PROKR1: variants seen among roughly 807,000 people sequenced by gnomAD.
PROKR1 encodes the protein prokineticin receptor 1.
Under a neutral mutation model 22.8 loss-of-function variants are expected in PROKR1, and 21 were observed. The observed-to-expected ratio is 0.92, with a 90% CI of 0.65 to 1.32. The LOEUF (loss-of-function observed/expected upper bound fraction) is 1.32, where lower values mean the gene tolerates loss of function less well. Ranked by LOEUF, PROKR1 falls within the 40% of genes most tolerant of loss-of-function variation. The pLI, the probability that PROKR1 is intolerant of heterozygous loss-of-function variation, is 0.00. For missense variants in PROKR1, 548 were observed against 514.2 expected (o/e 1.07, Z -0.64); for synonymous variants, 193 against 207.5 (o/e 0.93, Z 0.60).
At chr2:68,652,744 G>C (rs1673358896) in intron 2 of PROKR1, among the ~76,000 whole-genome samples, 1 of 152,188 alleles carries the variant, frequency 6.6e-6, no homozygotes, top group South Asian at 2.1e-4. Flanking sequence ...GCGCCTCATA[G>C]CATCTAGGTG....
intron 2 of PROKR1, among the ~76,000 whole-genome samples, chr2:68,650,923 T>TG (rs1281057614): frequency 6.6e-6 from 1 of 151,726 alleles, no homozygotes; most frequent in Non-Finnish European, 1.5e-5. Flanking sequence ...AGCCTAGAGG[T>TG]GGGATTGCCT....
rs147000951 is a variant in PROKR1 at position 68,653,601 on chromosome 2, C to T, written c.486-1279C>T. Among the ~76,000 whole-genome samples the T allele has an allele frequency of 5.1e-4, 78 of 152,234 alleles. No individual in the cohort carries two copies. In the East Asian group the frequency reaches 9.6e-3, roughly 19 times the overall value. Reference sequence around the variant, plus strand: ...TGGACACGTGAGACTGTGTTTGTTTCCACTGTTGACCAGTCAATCCCCTCC... The same window carrying T: ...TGGACACGTGAGACTGTGTTTGTTTTCACTGTTGACCAGTCAATCCCCTCC... On this transcript the variant is annotated intron_variant, in intron 2 of 2. Coordinates refer to ENST00000303786, the MANE Select transcript of PROKR1 (RefSeq NM_138964.4).
At position 68,658,107 on chromosome 2, in the gene PROKR1, C is replaced by T. The variant is rs1453753818; in HGVS notation, c.*2531C>T. 1 of 152,216 alleles carries T rather than the reference C, an allele frequency of 6.6e-6. No individual in the cohort carries two copies. The highest frequency in any genetic ancestry group is 2.4e-5 in the African/African-American group (1 of 41,456). 9.4% of individuals were successfully genotyped at this position (152,216 alleles called of 1,614,324 possible). A position where few individuals can be genotyped will look rare whatever the true frequency, so the allele number is the denominator to read the frequency against. On this transcript the variant is annotated 3_prime_UTR_variant, in exon 3 of 3. Transcript: ENST00000303786. ...TTTTATATGCGGCAACCAAAGCCCA[C>T]TCTGCTTTTCAGCCTAAAATGTATC...
chr2:68,655,060 T>C lies in PROKR1; in HGVS notation c.666T>C (p.Pro222=). 6.2e-7 allele frequency: 1 copy of C among 1,613,984 alleles called. No individual in the cohort carries two copies. ...AGATCTTCTGCGGCCAGATCTGGCCTGTGGACCAGCAGCTCTACTACAAGT... is the reference window on the plus strand; with the variant it reads ...AGATCTTCTGCGGCCAGATCTGGCCCGTGGACCAGCAGCTCTACTACAAGT... ...QEKIFCGQIW[P]VDQQLYYKSY... is the part of the protein sequence containing the mutation. The change falls in exon 3 of 3, where the codon CCT becomes CCC. Residue 222 remains proline, a synonymous_variant. Transcript: ENST00000303786.
At chr2:68,646,523 A>C (rs532940952) in intron 2 of PROKR1, among the ~76,000 whole-genome samples, 1 of 152,302 alleles carries the variant, frequency 6.6e-6, no homozygotes, top group East Asian at 1.9e-4. Context: ...AGCCCTCTAG[A>C]GTTGGGTGAT....
At chr2:68,648,905 G>A (rs752160846) in intron 2 of PROKR1, among the ~76,000 whole-genome samples, 2 of 152,104 alleles carry the variant, frequency 1.3e-5, no homozygotes, top group Non-Finnish European at 2.9e-5. Context: ...TACAAAATGA[G>A]GATAAAAAGA....
chr2:68,652,240 G>A (rs1431778007), intron 2 of PROKR1, among the ~76,000 whole-genome samples: 13 of 152,164 alleles, frequency 8.5e-5, no homozygotes, highest in Admixed American at 8.5e-4. Flanking sequence ...TACCTATTTA[G>A]TAGGGTTGGA....
rs1673411227 is a variant in PROKR1, at chr2:68,654,964, C to G, written c.570C>G (p.Ser190=). 3 of 1,613,684 alleles carry G rather than the reference C, an allele frequency of 1.9e-6. No homozygotes were observed. The East Asian group carries it at 6.7e-5, about 36-fold the overall frequency. ...TGLIALVWTV[S]ILIAIPSAYF... ...TGATTGCCTTGGTGTGGACGGTGTC[C>G]ATCCTGATCGCCATCCCTTCCGCCT... The change falls in exon 3 of 3, where the codon TCC becomes TCG. Residue 190 remains serine (S), a synonymous_variant. Coordinates refer to ENST00000303786, the MANE Select transcript of PROKR1 (RefSeq NM_138964.4).
rs1165232573 is a variant in PROKR1 at position 68,645,936 on chromosome 2, T to C, written c.115T>C (p.Tyr39His). ...HATSFPFNFS[Y>H]SDYDMPLDED... is the part of the protein sequence containing the mutation. Reference sequence around the variant, plus strand: ...CACTTCCTTCCCATTCAACTTCAGCTACAGCGACTATGATATGCCTTTGGA... The same window carrying C: ...CACTTCCTTCCCATTCAACTTCAGCCACAGCGACTATGATATGCCTTTGGA... Residue 39 changes from tyrosine (Y) to histidine (H), a missense_variant, in exon 2 of 3, where the codon TAC (tyrosine) becomes CAC (histidine). By Grantham distance (83) the Tyr-to-His change is moderately conservative. Coordinates refer to ENST00000303786, the MANE Select transcript of PROKR1 (RefSeq NM_138964.4). The C allele has an allele frequency of 6.2e-7, 1 of 1,614,246 alleles. No homozygotes were observed. Among genetic ancestry groups the C allele is most frequent in the South Asian group, 1.1e-5 (1 of 91,086 alleles).
In PROKR1 at chr2:68,655,261, C is replaced by A. The variant is rs141513813; in HGVS notation, c.867C>A (p.Ile289=). The change falls in exon 3 of 3, where the codon ATC becomes ATA. Residue 289 remains isoleucine (I), a synonymous_variant. Coordinates refer to ENST00000303786, the MANE Select transcript of PROKR1 (RefSeq NM_138964.4). The part of the protein sequence containing the change: ...RRKTVLVLMC[I]LTAYVLCWAP... ...AGACGGTCCTGGTGCTCATGTGCAT[C>A]CTCACCGCCTACGTGCTATGCTGGG... is the stretch of plus-strand genomic sequence containing the variant. 6.2e-7 allele frequency: 1 copy of A among 1,614,252 alleles called. No homozygotes were observed. Among genetic ancestry groups the A allele is most frequent in the Non-Finnish European group, 8.5e-7 (1 of 1,180,044 alleles).
At chr2:68,644,724 T>C (rs2104177755) in intron 1 of PROKR1, among the ~76,000 whole-genome samples, 1 of 152,208 alleles carries the variant, frequency 6.6e-6, no homozygotes, top group Non-Finnish European at 1.5e-5. Context: ...TCCTTCTACG[T>C]CCCACTCCCT....
At chr2:68,651,458 T>A (rs1409037202) in intron 2 of PROKR1, among the ~76,000 whole-genome samples, 1 of 152,132 alleles carries the variant, frequency 6.6e-6, no homozygotes. Context: ...GACACTAAGA[T>A]CCCACAGCGT....
Position 68,645,957 on chromosome 2 carries a change from T to C in PROKR1, c.136T>C (p.Leu46=). 6.2e-7 allele frequency: 1 copy of C among 1,614,210 alleles called. No individual in the cohort carries two copies. The highest frequency in any genetic ancestry group is 2.2e-5 in the East Asian group (1 of 44,890). The change falls in exon 2 of 3, where the codon TTG becomes CTG. Residue 46 remains leucine, a synonymous_variant. Coordinates refer to ENST00000303786, the MANE Select transcript of PROKR1 (RefSeq NM_138964.4). ...CAGCTACAGCGACTATGATATGCCT[T>C]TGGATGAAGATGAGGATGTGACCAA... ...NFSYSDYDMP[L]DEDEDVTNSR...
At position 68,657,782 on chromosome 2, in the gene PROKR1, A is replaced by G. The variant is rs1673502908; in HGVS notation, c.*2206A>G. ...AAAGTTTATTTTGTATAGTTACTTT[A>G]TTTCCCTGAAAGACACATTACAAAA... On this transcript the variant is annotated 3_prime_UTR_variant, in exon 3 of 3. Transcript: ENST00000303786. The G allele has an allele frequency of 6.6e-6, 1 of 152,162 alleles. No homozygotes were observed. The highest frequency in any genetic ancestry group is 6.5e-5 in the Admixed American group (1 of 15,274). 9.4% of individuals were successfully genotyped at this position (152,162 alleles called of 1,614,324 possible). A position where few individuals can be genotyped will look rare whatever the true frequency, so the allele number is the denominator to read the frequency against.
chr2:68,649,649 T>G (rs1673269319), intron 2 of PROKR1: 1 of 152,138 alleles, frequency 6.6e-6, no homozygotes, highest in African/African-American at 2.4e-5. Context: ...ACAAAAGAAG[T>G]ACACAGGTAA....
At position 68,646,244 on chromosome 2, in the gene PROKR1, C is replaced by G. The variant is rs750542009; in HGVS notation, c.423C>G (p.Asn141Lys). Residue 141 changes from asparagine to lysine, a missense_variant, in exon 2 of 3, where the codon AAC becomes AAG. Coordinates refer to ENST00000303786, the MANE Select transcript of PROKR1 (RefSeq NM_138964.4). ...GCCACGTCCTGTGCACCTCTGTCAACTACCTGCGCACTGTCTCTCTCTATG... is the reference window on the plus strand; with the variant it reads ...GCCACGTCCTGTGCACCTCTGTCAAGTACCTGCGCACTGTCTCTCTCTATG... ...EHGHVLCTSV[N>K]YLRTVSLYVS... is the part of the protein sequence containing the mutation. The G allele has an allele frequency of 1.2e-6, 2 of 1,614,150 alleles. No individual in the cohort carries two copies. The highest frequency in any genetic ancestry group is 2.2e-5 in the South Asian group (2 of 91,076).
chr2:68,648,015 G>C (rs1673229223), intron 2 of PROKR1, among the ~76,000 whole-genome samples: 1 of 152,158 alleles, frequency 6.6e-6, no homozygotes, highest in Admixed American at 6.5e-5. Context: ...TTTTTTGAAA[G>C]TAGAAGCCGC....
At chr2:68,648,441 A>C (rs970341972) in intron 2 of PROKR1, among the ~76,000 whole-genome samples, 2 of 152,184 alleles carry the variant, frequency 1.3e-5, no homozygotes, top group Non-Finnish European at 2.9e-5. Flanking sequence ...GAATTAGAAA[A>C]AATGCTTTGC....
chr2:68,646,399 G>C, intron 2 of PROKR1, 93 bp downstream of exon 2: 3 of 1,543,072 alleles, frequency 1.9e-6, no homozygotes, highest in Non-Finnish European at 2.7e-6. Flanking sequence ...AGATTGATGA[G>C]AGGTGTCTCT....
Sources: allele counts gnomAD v4.1 joint callset (sites outside exome capture counted in the v4.1 genomes callset), GRCh38; gene constraint gnomAD v4.1.1; transcripts MANE v1.5; gene names NCBI Gene and HGNC (gene_info 2026-07-23, HGNC 2026-07-21).